JAZF1: variants seen among roughly 807,000 people sequenced by gnomAD.
JAZF1 encodes the protein JAZF zinc finger 1.
JAZF1 carries 8 observed loss-of-function variants against 26.4 expected under a neutral mutation model. That is an observed-to-expected ratio of 0.30 (90% CI 0.18 to 0.55). The LOEUF (loss-of-function observed/expected upper bound fraction) is 0.55. JAZF1 is among the 20% of genes least tolerant of loss of function. JAZF1 has a pLI of 0.94. For missense variants in JAZF1, 199 were observed against 322.0 expected (o/e 0.62, Z 2.92); for synonymous variants, 126 against 122.3 (o/e 1.03, Z -0.20).
chr7:28,133,865 T>C (rs956669261), intron 1 of JAZF1, among the ~76,000 whole-genome samples: 1 of 152,222 alleles, frequency 6.6e-6, no homozygotes, highest in Non-Finnish European at 1.5e-5. Context: ...CCTCTCCAGA[T>C]GGGCCTTCCC....
At chr7:28,151,111 A>T (rs201044626) in intron 1 of JAZF1, among the ~76,000 whole-genome samples, 49,072 of 143,678 alleles carry the variant, frequency 0.34, 9,840 homozygotes, top group East Asian at 0.77. Context: ...ATATATATAT[A>T]TTTTTTTTTT....
intron 4 of JAZF1, among the ~76,000 whole-genome samples, chr7:27,836,027 A>C (rs1782804215): frequency 1.3e-5 from 2 of 152,212 alleles, no homozygotes; most frequent in South Asian, 4.1e-4. Context: ...AGAGAAGGTG[A>C]GTGACTTGGC....
chr7:27,883,385 T>C (rs753941018), intron 3 of JAZF1, among the ~76,000 whole-genome samples: 23 of 152,250 alleles, frequency 1.5e-4, no homozygotes, highest in Non-Finnish European at 2.9e-4. Flanking sequence ...ACTATTTTTA[T>C]TGAGTTTGAT....
At chr7:27,996,465 T>C (rs1786018661) in intron 1 of JAZF1, among the ~76,000 whole-genome samples, 1 of 152,180 alleles carries the variant, frequency 6.6e-6, no homozygotes, top group Non-Finnish European at 1.5e-5. Context: ...TTTGCAGTGT[T>C]GGAAGACCCT....
chr7:28,118,804 C>T (rs1784792074), intron 1 of JAZF1, among the ~76,000 whole-genome samples: 1 of 151,788 alleles, frequency 6.6e-6, no homozygotes. Flanking sequence ...CACACACACA[C>T]ACAGAGTCAT....
At chr7:28,157,825 G>A (rs917509575) in intron 1 of JAZF1, among the ~76,000 whole-genome samples, 5 of 151,980 alleles carry the variant, frequency 3.3e-5, no homozygotes, top group African/African-American at 2.4e-5. Flanking sequence ...GGTGTGACAC[G>A]GTTTGAGTTT....
chr7:27,948,876 T>G (rs1336856325), intron 2 of JAZF1, among the ~76,000 whole-genome samples: 1 of 152,246 alleles, frequency 6.6e-6, no homozygotes, highest in African/African-American at 2.4e-5. Flanking sequence ...TTCTACCCTA[T>G]GTCAGTGATT....
intron 3 of JAZF1, among the ~76,000 whole-genome samples, chr7:27,848,627 GTTAA>G (rs979582992): frequency 5.3e-5 from 8 of 152,288 alleles, no homozygotes; most frequent in Non-Finnish European, 1.0e-4. Flanking sequence ...TATTGGGATG[GTTAA>G]TTGTTTCTGC....
intron 1 of JAZF1, among the ~76,000 whole-genome samples, chr7:28,013,396 G>A (rs910502920): frequency 2.0e-5 from 3 of 152,186 alleles, no homozygotes; most frequent in Non-Finnish European, 4.4e-5. Flanking sequence ...GGGCCATTCA[G>A]GATGGCCTCT....
intron 1 of JAZF1, among the ~76,000 whole-genome samples, chr7:28,019,708 A>G (rs994917356): frequency 6.6e-6 from 1 of 152,148 alleles, no homozygotes; most frequent in Non-Finnish European, 1.5e-5. Context: ...GGCATCTTCC[A>G]TGTAGCCAGG....
chr7:27,937,846 C>A (rs1447155808), intron 2 of JAZF1, among the ~76,000 whole-genome samples: 1 of 152,208 alleles, frequency 6.6e-6, no homozygotes, highest in Non-Finnish European at 1.5e-5. Flanking sequence ...ATTACTGATA[C>A]TGTAAAAAAG....
intron 2 of JAZF1, among the ~76,000 whole-genome samples, chr7:27,959,940 G>T (rs1349216707): frequency 1.3e-5 from 2 of 151,970 alleles, no homozygotes; most frequent in African/African-American, 4.8e-5. Flanking sequence ...TCTTAATCTT[G>T]TGGAAGTGCA....
chr7:28,120,572 AT>A (rs1765938256), intron 1 of JAZF1, among the ~76,000 whole-genome samples: 1 of 121,562 alleles, frequency 8.2e-6, no homozygotes, highest in African/African-American at 3.2e-5. Context: ...CAATGGCGCG[AT>A]CTTGGCTCAC....
chr7:27,963,567 C>CG (rs1046775013), intron 2 of JAZF1, among the ~76,000 whole-genome samples: 3 of 106,248 alleles, frequency 2.8e-5, no homozygotes, highest in African/African-American at 9.8e-5. Context: ...TTCCCCCCCC[C>CG]CCTTTTTTTT....
intron 2 of JAZF1, among the ~76,000 whole-genome samples, chr7:27,896,996 T>C (rs930649376): frequency 4.6e-5 from 7 of 152,198 alleles, no homozygotes. Context: ...GCAAAACTGG[T>C]TCTATTGTCC....
At chr7:27,903,574 C>T (rs1260673078) in intron 2 of JAZF1, among the ~76,000 whole-genome samples, 1 of 152,210 alleles carries the variant, frequency 6.6e-6, no homozygotes, top group Admixed American at 6.5e-5. Context: ...AATAACTACT[C>T]ATGAACAGAA....
intron 1 of JAZF1, among the ~76,000 whole-genome samples, chr7:28,079,855 G>A (rs1255074712): frequency 1.3e-5 from 2 of 152,104 alleles, no homozygotes; most frequent in African/African-American, 4.8e-5. Context: ...ATGGATCAGG[G>A]AGTAATCTAG....
At chr7:28,119,759 C>CCCA (rs1784807353) in intron 1 of JAZF1, among the ~76,000 whole-genome samples, 1 of 152,160 alleles carries the variant, frequency 6.6e-6, no homozygotes, top group Non-Finnish European at 1.5e-5. Context: ...TTACTGAATA[C>CCCA]CCACTACGTG....
chr7:28,115,640 T>C (rs1022719693), intron 1 of JAZF1, among the ~76,000 whole-genome samples: 1 of 152,220 alleles, frequency 6.6e-6, no homozygotes, highest in East Asian at 1.9e-4. Context: ...TTATTTTTTG[T>C]TTTGAATAGG....
Sources: allele counts gnomAD v4.1 joint callset (sites outside exome capture counted in the v4.1 genomes callset), GRCh38; gene constraint gnomAD v4.1.1; transcripts MANE v1.5; gene names NCBI Gene and HGNC (gene_info 2026-07-23, HGNC 2026-07-21).